ABCG5: variants seen among roughly 807,000 people sequenced by gnomAD.
The protein encoded by ABCG5 is ATP binding cassette subfamily G member 5.
Under a neutral mutation model 64.5 loss-of-function variants are expected in ABCG5, and 64 were observed. The ratio of observed to expected loss-of-function variants is 0.99; its 90% CI spans 0.81 to 1.22. The LOEUF (loss-of-function observed/expected upper bound fraction) is 1.22. ABCG5 is among the 50% of genes most tolerant of loss of function. The pLI is 0.00. For missense variants in ABCG5, 908 were observed against 829.5 expected (o/e 1.09, Z -1.16); for synonymous variants, 385 against 326.3 (o/e 1.18, Z -1.94).
rs202069469 is a variant in ABCG5, at chr2:43,838,496, G to A, written c.143+41C>T. The A allele has an allele frequency of 7.0e-6, 11 of 1,561,686 alleles. No individual in the cohort carries two copies. The highest frequency in any genetic ancestry group is 3.7e-5 in the Admixed American group (2 of 53,628). ...AGCAGAGGGGTGAGCGCCGGGCCCC[G>A]CACTCCTGGGGGAGCAGCAGCAGCA... On this transcript the variant is annotated intron_variant, in intron 1 of 12. Coordinates refer to ENST00000405322, the MANE Select transcript of ABCG5 (RefSeq NM_022436.3). The surrounding 1 kb of genome is among the most constrained non-coding windows in gnomAD (Gnocchi z 4.2).
In ABCG5 at chr2:43,813,030, A is replaced by C; in HGVS notation, c.*86T>G. 1.4e-6 allele frequency: 1 copy of C among 739,510 alleles called. No individual in the cohort carries two copies. Among genetic ancestry groups the C allele is most frequent in the East Asian group, 2.6e-5 (1 of 38,752 alleles). The allele number at this position is 739,510 out of a possible 1,614,324, so 45.8% of individuals were successfully genotyped here. On this transcript the variant is annotated 3_prime_UTR_variant, in exon 13 of 13. Transcript: ENST00000405322. ...GACTTGAGATGTCCTGTCAAGAAAG[A>C]AATACATGGCACTCTCATTTCAGAC...
intron 12 of ABCG5, 89 bp downstream of exon 12, chr2:43,814,388 A>G: frequency 1.2e-6 from 1 of 830,142 alleles, no homozygotes; most frequent in Non-Finnish European, 2.0e-6. Context: ...ATTATAAAAC[A>G]CAGTTTTTAT....
chr2:43,824,776 C>A, intron 7 of ABCG5, 113 bp downstream of exon 7: 1 of 1,532,098 alleles, frequency 6.5e-7, no homozygotes, highest in Non-Finnish European at 8.9e-7. Context: ...GAGTATAAAA[C>A]ACAAAAACAA....
chr2:43,815,143 C>T (rs1046651836), intron 11 of ABCG5, among the ~76,000 whole-genome samples: 2 of 152,116 alleles, frequency 1.3e-5, no homozygotes, highest in African/African-American at 4.8e-5. Context: ...TTAGAACTAA[C>T]CTAGAATACA....
chr2:43,818,978 C>T (rs1010302492), intron 11 of ABCG5, among the ~76,000 whole-genome samples: 1 of 152,120 alleles, frequency 6.6e-6, no homozygotes, highest in African/African-American at 2.4e-5. Context: ...AAGTCACGTG[C>T]GTCACAGCCT....
chr2:43,832,821 C>G (rs1197278566), intron 2 of ABCG5, among the ~76,000 whole-genome samples: 1 of 152,144 alleles, frequency 6.6e-6, no homozygotes, highest in African/African-American at 2.4e-5. Context: ...TTGCTTTTTT[C>G]TTGAGTGAGA....
At chr2:43,837,723 A>G (rs1436930024) in intron 2 of ABCG5, 111 bp downstream of exon 2, 1 of 1,425,392 alleles carries the variant, frequency 7.0e-7, no homozygotes, top group East Asian at 2.3e-5. Flanking sequence ...TATCAATAGA[A>G]TTCATTCTAA....
In ABCG5 at chr2:43,824,445, C is replaced by G. The variant is rs765796752; in HGVS notation, c.905-13G>C. Reference sequence around the variant, plus strand: ...GACGTCAGGTCCACTAAAAGTTTTTCCCAAAAGATGTCACCCATGTGTTTT... The same window carrying G: ...GACGTCAGGTCCACTAAAAGTTTTTGCCAAAAGATGTCACCCATGTGTTTT... On this transcript the variant is annotated splice_polypyrimidine_tract_variant and intron_variant, in intron 7 of 12. Coordinates refer to ENST00000405322, the MANE Select transcript of ABCG5 (RefSeq NM_022436.3). The G allele has an allele frequency of 3.1e-6, 5 of 1,612,942 alleles. No individual in the cohort carries two copies. The Admixed American group carries it at 8.3e-5, about 27-fold the overall frequency.
chr2:43,839,203 C>G (rs1217012126), upstream of ABCG5: 4 of 1,374,354 alleles, frequency 2.9e-6, no homozygotes, highest in East Asian at 2.5e-5. Flanking sequence ...AGCCTTCTGT[C>G]CTAGCACCAC....
intron 4 of ABCG5, among the ~76,000 whole-genome samples, chr2:43,830,483 A>G (rs532618875): frequency 2.9e-4 from 44 of 152,380 alleles, no homozygotes; most frequent in African/African-American, 9.1e-4. Context: ...GCCTTAGCCA[A>G]CAGCCCCGCA....
At chr2:43,823,112 G>C (rs1256050727) in intron 9 of ABCG5, among the ~76,000 whole-genome samples, 177 bp from the exon 10 acceptor site, 1 of 152,130 alleles carries the variant, frequency 6.6e-6, no homozygotes, top group Non-Finnish European at 1.5e-5. Context: ...CCCCACCCCG[G>C]AAATCTACAC....
Position 43,834,902 on chromosome 2 carries a change from G to A in ABCG5, c.266-2819C>T, listed in dbSNP as rs575022368. ...TGTCATCATCTTTTGCCTCGCTAAT[G>A]AAGATTTGATAGATAATACTGCTTG... is the stretch of plus-strand genomic sequence containing the variant. On this transcript the variant is annotated intron_variant, in intron 2 of 12. Coordinates refer to ENST00000405322, the MANE Select transcript of ABCG5 (RefSeq NM_022436.3). Among the ~76,000 whole-genome samples the A allele has an allele frequency of 2.6e-5, 4 of 152,362 alleles. No homozygotes were observed. In the South Asian group the frequency reaches 6.2e-4, roughly 24 times the overall value.
chr2:43,822,240 T>C (rs1350247285), intron 10 of ABCG5, among the ~76,000 whole-genome samples: 1 of 152,120 alleles, frequency 6.6e-6, no homozygotes, highest in African/African-American at 2.4e-5. Context: ...TTTTGGGAAA[T>C]TGCAATGGCC....
In ABCG5 at chr2:43,812,981, C is replaced by T; in HGVS notation, c.*135G>A. 1.5e-6 allele frequency: 1 copy of T among 687,878 alleles called. No homozygotes were observed. 42.6% of individuals were successfully genotyped at this position (687,878 alleles called of 1,614,324 possible). A position where few individuals can be genotyped will look rare whatever the true frequency, so the allele number is the denominator to read the frequency against. On this transcript the variant is annotated 3_prime_UTR_variant, in exon 13 of 13. Transcript: ENST00000405322. ...AAGGCCTGCTTGGATCCAAGAGGCA[C>T]AAATGGAGTCTTAATGGTTAAAAGA...
chr2:43,816,599 A>C (rs1455379216), intron 11 of ABCG5, among the ~76,000 whole-genome samples: 1 of 152,164 alleles, frequency 6.6e-6, no homozygotes, highest in Non-Finnish European at 1.5e-5. Context: ...GCTGGAGTGC[A>C]GTGGCATGAT....
downstream of ABCG5, among the ~76,000 whole-genome samples, chr2:43,808,569 T>A (rs1224236134): frequency 3.9e-5 from 6 of 152,208 alleles, no homozygotes; most frequent in Admixed American, 3.9e-4. Flanking sequence ...GATGGTCCCT[T>A]TTACATGTCA....
rs1283905460 is a variant in ABCG5 at position 43,824,137 on chromosome 2, G to A, written c.1119-19C>T. ...CACTCTCCTGAAAACAAACAACCCT[G>A]TTTTAATTCCTTTTCAGAATTGTTA... On this transcript the variant is annotated intron_variant, in intron 8 of 12. Coordinates refer to ENST00000405322, the MANE Select transcript of ABCG5 (RefSeq NM_022436.3). The A allele has an allele frequency of 2.5e-6, 4 of 1,614,020 alleles. No individual in the cohort carries two copies. The highest frequency in any genetic ancestry group is 3.4e-6 in the Non-Finnish European group (4 of 1,179,996).
chr2:43,828,118 G>A lies in ABCG5; in HGVS notation c.502-3C>T, dbSNP rs1212477803. Reference sequence around the variant, plus strand: ...AGCTCTGCCATGACGGCCTCCACCTGCAGGAGACACAAATTACAGGAAGGC... The same window carrying A: ...AGCTCTGCCATGACGGCCTCCACCTACAGGAGACACAAATTACAGGAAGGC... On this transcript the variant is annotated splice_polypyrimidine_tract_variant and splice_region_variant and intron_variant, in intron 4 of 12. Coordinates refer to ENST00000405322, the MANE Select transcript of ABCG5 (RefSeq NM_022436.3). The A allele has an allele frequency of 3.1e-6, 5 of 1,613,812 alleles. No homozygotes were observed. In the Admixed American group the frequency reaches 6.7e-5, roughly 22 times the overall value.
At chr2:43,827,733 A>G (rs1667706574) in intron 5 of ABCG5, among the ~76,000 whole-genome samples, 2 of 152,224 alleles carry the variant, frequency 1.3e-5, no homozygotes, top group Admixed American at 6.5e-5. Context: ...GAAAACCCCA[A>G]TGGAACACTT....
Sources: allele counts gnomAD v4.1 joint callset (sites outside exome capture counted in the v4.1 genomes callset), GRCh38; gene constraint gnomAD v4.1.1; non-coding constraint Gnocchi (gnomAD v3.1); transcripts MANE v1.5; gene names NCBI Gene and HGNC (gene_info 2026-07-23, HGNC 2026-07-21).